Variants in PRKDC observed in about 807,000 individuals in gnomAD.
PRKDC encodes the protein DNA-dependent protein kinase catalytic subunit.
PRKDC carries 82 observed loss-of-function variants against 486.9 expected under a neutral mutation model. That is an observed-to-expected ratio of 0.17 (90% CI 0.14 to 0.20). The LOEUF is 0.20. PRKDC is among the 10% of genes least tolerant of loss of function. The pLI, the probability that PRKDC is intolerant of heterozygous loss-of-function variation, is 1.00. For missense variants in PRKDC, 4,504 were observed against 5,038.2 expected, an observed-to-expected ratio of 0.89 and a Z score of 3.21; for synonymous variants, 1,895 against 1,837.0, an observed-to-expected ratio of 1.03 and a Z score of -0.81.
At position 47,946,149 on chromosome 8, in the gene PRKDC, G is replaced by C. The variant is rs188109026; in HGVS notation, c.722-2120C>G. Among the ~76,000 whole-genome samples the C allele has an allele frequency of 2.8e-3, 430 of 152,150 alleles. 1 individual carries two copies. The highest frequency in any genetic ancestry group is 5.0e-3 in the Non-Finnish European group (337 of 67,992). On this transcript the variant is annotated intron_variant, in intron 7 of 85. Transcript: ENST00000314191. ...GTTTGAGACCAGCCTGGCCAACACA[G>C]TGAAACCCCGTCTCTACTAAAAATA... is the stretch of plus-strand genomic sequence containing the variant.
In PRKDC at chr8:47,786,409, CTCAAAAACAAAAA is replaced by C. The variant is rs557490312; in HGVS notation, c.10903-1105_10903-1093del. 4.0e-3 allele frequency among the ~76,000 whole-genome samples: 604 copies of C among 152,234 alleles called. 4 individuals are homozygous for C. The highest frequency in any genetic ancestry group is 0.025 in the South Asian group (121 of 4,830). ...CCTGGGCGACAGATCGAGACTCAGT[CTCAAAAACAAAAA>C]ACAAAAACATGGTTAGTAGTGACTT... On this transcript the variant is annotated intron_variant, in intron 76 of 85. Transcript: ENST00000314191.
At position 47,840,147 on chromosome 8, in the gene PRKDC, C is replaced by T. The variant is rs905837735; in HGVS notation, c.7323G>A (p.Lys2441=). The T allele has an allele frequency of 3.7e-6, 6 of 1,601,018 alleles. No individual in the cohort carries two copies. Among genetic ancestry groups the T allele is most frequent in the Non-Finnish European group, 5.1e-6 (6 of 1,172,566 alleles). Reference sequence around the variant, plus strand: ...CTACTGGTTTTAACTTTGGCATCATCTTATAAATTATGTCCAAACATACTT... The same window carrying T: ...CTACTGGTTTTAACTTTGGCATCATTTTATAAATTATGTCCAAACATACTT... ...RQKVCLDIIY[K]MMPKLKPVEL... Residue 2441 remains lysine, a synonymous_variant, in exon 55 of 86, where the codon AAG becomes AAA. Transcript: ENST00000314191.
At position 47,820,738 on chromosome 8, in the gene PRKDC, C is replaced by A. The variant is rs779315117; in HGVS notation, c.9317G>T (p.Gly3106Val). The A allele has an allele frequency of 1.3e-6, 2 of 1,558,136 alleles. No homozygotes were observed. The highest frequency in any genetic ancestry group is 1.9e-5 in the Admixed American group (1 of 52,778). Reference sequence around the variant, plus strand: ...TATTACCTGCATAAAACTCTGAATGCCATTTTGAATGTAATATTTGGCTCT... The same window carrying A: ...TATTACCTGCATAAAACTCTGAATGACATTTTGAATGTAATATTTGGCTCT... The part of the protein sequence containing the change: ...VDRAKYYIQN[G>V]IQSFMQNYSS... Residue 3106 changes from glycine (G) to valine (V), a missense_variant, in exon 66 of 86, where the codon GGC (glycine) becomes GTC (valine). Coordinates refer to ENST00000314191, the MANE Select transcript of PRKDC (RefSeq NM_006904.7).
chr8:47,928,223 C>T (rs996768399), intron 19 of PRKDC, among the ~76,000 whole-genome samples: 6 of 148,310 alleles, frequency 4.0e-5, no homozygotes, highest in South Asian at 2.1e-4. Context: ...GGTGCAATCT[C>T]GGCTCACTGC....
chr8:47,936,383 A>G lies in PRKDC; in HGVS notation c.1248T>C (p.Ser416=). The G allele has an allele frequency of 3.7e-6, 6 of 1,613,718 alleles. No individual in the cohort carries two copies. Among genetic ancestry groups the G allele is most frequent in the Non-Finnish European group, 5.1e-6 (6 of 1,179,684 alleles). ...CAAGGTACAGCAAGACGCTTGCAAC[A>G]GACTGGAGGAAGCTTGGCATCTGAT... ...RVYQMPSFLQ[S]VASVLLYLDT... The change falls in exon 12 of 86, where the codon TCT becomes TCC. Residue 416 remains serine (S), a synonymous_variant. Coordinates refer to ENST00000314191, the MANE Select transcript of PRKDC (RefSeq NM_006904.7).
In PRKDC at chr8:47,939,545, A is replaced by G. The variant is rs754979319; in HGVS notation, c.1113+6T>C. 1 of 1,610,780 alleles carries G rather than the reference A, an allele frequency of 6.2e-7. No individual in the cohort carries two copies. Among genetic ancestry groups the G allele is most frequent in the East Asian group, 2.2e-5 (1 of 44,834 alleles). On this transcript the variant is annotated splice_donor_region_variant and intron_variant, in intron 11 of 85. Coordinates refer to ENST00000314191, the MANE Select transcript of PRKDC (RefSeq NM_006904.7). Reference sequence around the variant, plus strand: ...AGACAAAATAGAGTAAGTTAATGAGACATACTCCTGCAAAAAGTCCATATC... The same window carrying G: ...AGACAAAATAGAGTAAGTTAATGAGGCATACTCCTGCAAAAAGTCCATATC...
rs762114900 is a variant in PRKDC at position 47,893,106 on chromosome 8, G to A, written c.3847+33C>T. On this transcript the variant is annotated intron_variant, in intron 31 of 85. Transcript: ENST00000314191. ...CTGCCCAGGGTGACTCTGGCAGCAC[G>A]ACACACACCAGAATAAGGCAAGGGT... 10 of 1,529,330 alleles carry A rather than the reference G, an allele frequency of 6.5e-6. No homozygotes were observed. In the Admixed American group the frequency reaches 7.4e-5, roughly 11 times the overall value. The allele number at this position is 1,529,330 out of a possible 1,614,324, so 94.7% of individuals were successfully genotyped here.
At chr8:47,887,465 CCA>C (rs2089362218) in intron 35 of PRKDC, 80 bp downstream of exon 35, 1 of 1,296,040 alleles carries the variant, frequency 7.7e-7, no homozygotes. Context: ...TACCCAAATT[CCA>C]CAGTTTCTAG....
chr8:47,865,608 G>A (rs1199683134), intron 40 of PRKDC, among the ~76,000 whole-genome samples: 2 of 151,982 alleles, frequency 1.3e-5, no homozygotes, highest in Non-Finnish European at 2.9e-5. Flanking sequence ...AGAGGGTTAA[G>A]ACTAAATGGC....
At chr8:47,921,306 A>G (rs1157405149) in intron 21 of PRKDC, among the ~76,000 whole-genome samples, 1 of 152,198 alleles carries the variant, frequency 6.6e-6, no homozygotes, top group African/African-American at 2.4e-5. Context: ...GTCCAACTAA[A>G]TTGAATCATT....
Position 47,778,772 on chromosome 8 carries a change from C to T in PRKDC, c.11607G>A (p.Thr3869=), listed in dbSNP as rs749380423. The change falls in exon 82 of 86, where the codon ACG becomes ACA. Residue 3869 remains threonine, a synonymous_variant. Coordinates refer to ENST00000314191, the MANE Select transcript of PRKDC (RefSeq NM_006904.7). ...YKGANRTETV[T]SFRKRESKVP... is the part of the protein sequence containing the mutation. ...CTTTACTTTCTCGTTTTCTAAAAGA[C>T]GTGACTGTTTCAGTACGATTAGCGC... 1.1e-5 allele frequency: 18 copies of T among 1,613,614 alleles called. No individual in the cohort carries two copies. The highest frequency in any genetic ancestry group is 2.2e-5 in the South Asian group (2 of 91,034).
At chr8:47,937,033 C>G (rs1452230520) in intron 11 of PRKDC, among the ~76,000 whole-genome samples, 1 of 149,718 alleles carries the variant, frequency 6.7e-6, no homozygotes, top group Non-Finnish European at 1.5e-5. Context: ...GCGGGCAGAT[C>G]ACTTGAGGTC....
At chr8:47,863,329 C>G in intron 42 of PRKDC, 70 bp downstream of exon 42, 1 of 1,274,408 alleles carries the variant, frequency 7.8e-7, no homozygotes, top group East Asian at 2.4e-5. Flanking sequence ...ACACTATATA[C>G]ATACATAAAA....
At chr8:47,924,421 G>A (rs529504382) in intron 21 of PRKDC, among the ~76,000 whole-genome samples, 13 of 152,174 alleles carry the variant, frequency 8.5e-5, no homozygotes, top group African/African-American at 3.1e-4. Flanking sequence ...TTAGCTGGGC[G>A]TGGTGGTGCA....
chr8:47,856,688 A>G (rs2154500473), intron 49 of PRKDC, among the ~76,000 whole-genome samples: 1 of 152,326 alleles, frequency 6.6e-6, no homozygotes, highest in Admixed American at 6.5e-5. Context: ...CCTCAACATA[A>G]CATGGTGTTA....
In PRKDC at chr8:47,858,516, C is replaced by T; in HGVS notation, c.6465G>A (p.Glu2155=). ...FLAKLVINTE[E]VFRPYAKHWL... Reference sequence around the variant, plus strand: ...AATAAAGAAATAATCAATTACTTACCTCTTCTGTATTAATAACAAGCTTGG... The same window carrying T: ...AATAAAGAAATAATCAATTACTTACTTCTTCTGTATTAATAACAAGCTTGG... The change falls in exon 48 of 86, where the codon GAG becomes GAA. Residue 2155 remains glutamate, a splice_region_variant and synonymous_variant. Transcript: ENST00000314191. 6.7e-7 allele frequency: 1 copy of T among 1,484,196 alleles called. No individual in the cohort carries two copies. Among genetic ancestry groups the T allele is most frequent in the Non-Finnish European group, 9.1e-7 (1 of 1,099,120 alleles). 91.9% of individuals were successfully genotyped at this position (1,484,196 alleles called of 1,614,324 possible). A position where few individuals can be genotyped will look rare whatever the true frequency, so the allele number is the denominator to read the frequency against.
At chr8:47,897,731 G>C (rs2089607257) in intron 29 of PRKDC, among the ~76,000 whole-genome samples, 1 of 152,202 alleles carries the variant, frequency 6.6e-6, no homozygotes, top group Admixed American at 6.5e-5. Flanking sequence ...GTTTTAACTA[G>C]ATCTCCAGGC....
chr8:47,810,210 T>TC (rs1245380555), intron 68 of PRKDC, among the ~76,000 whole-genome samples: 1 of 152,170 alleles, frequency 6.6e-6, no homozygotes, highest in African/African-American at 2.4e-5. Flanking sequence ...AATCCAGTAG[T>TC]CCCCCTTATC....
chr8:47,813,989 A>G (rs1156814207), intron 68 of PRKDC, among the ~76,000 whole-genome samples: 2 of 152,320 alleles, frequency 1.3e-5, no homozygotes, highest in East Asian at 1.9e-4. Context: ...ACACACCAAT[A>G]TCCCACTTGG....
Sources: allele counts gnomAD v4.1 joint callset (sites outside exome capture counted in the v4.1 genomes callset), GRCh38; gene constraint gnomAD v4.1.1; transcripts MANE v1.5; gene names NCBI Gene and HGNC (gene_info 2026-07-23, HGNC 2026-07-21).